Variants in SLC6A11 observed in about 807,000 individuals in gnomAD.
The protein encoded by SLC6A11 is sodium- and chloride-dependent GABA transporter 3.
In SLC6A11, 25 loss-of-function variants were observed where a neutral mutation model predicts 74.8. That is an observed-to-expected ratio of 0.33 (90% CI 0.24 to 0.47). The LOEUF (loss-of-function observed/expected upper bound fraction) is 0.47, where lower values mean the gene tolerates loss of function less well. Ranked by LOEUF, SLC6A11 falls within the 20% of genes least tolerant of loss-of-function variation. The pLI is 1.00. For synonymous variants in SLC6A11, 330 were observed against 330.2 expected (o/e 1.00, Z 0.01); for missense variants, 574 against 837.0 (o/e 0.69, Z 3.88).
At chr3:10,897,466 A>G (rs1363930051) in intron 6 of SLC6A11, among the ~76,000 whole-genome samples, 4 of 152,218 alleles carry the variant, frequency 2.6e-5, no homozygotes, top group Non-Finnish European at 5.9e-5. Flanking sequence ...ACCCTTCCAA[A>G]TGAAAGGAAT....
intron 12 of SLC6A11, 64 bp from the exon 13 acceptor site, chr3:10,934,965 A>G: frequency 7.0e-7 from 1 of 1,426,532 alleles, no homozygotes; most frequent in Non-Finnish European, 9.7e-7. Flanking sequence ...TGGGCCTCAG[A>G]CCCCTCATGG....
At chr3:10,858,301 T>G (rs1694662152) in intron 5 of SLC6A11, among the ~76,000 whole-genome samples, 1 of 152,212 alleles carries the variant, frequency 6.6e-6, no homozygotes, top group African/African-American at 2.4e-5. Context: ...AAAAAAATCT[T>G]CGAGGATATA....
rs750180275 is a variant in SLC6A11 at position 10,816,355 on chromosome 3, C to T, written c.90C>T (p.Ser30=). 17 of 1,456,072 alleles carry T rather than the reference C, an allele frequency of 1.2e-5. 2 individuals carry two copies. In the South Asian group the frequency reaches 2.0e-4, roughly 17 times the overall value. 90.2% of individuals were successfully genotyped at this position (1,456,072 alleles called of 1,614,324 possible). Residue 30 remains serine, a synonymous_variant, in exon 1 of 14, where the codon AGC becomes AGT. Transcript: ENST00000254488. This position sits in a 1 kb window ranked among gnomAD's most constrained non-coding sequence, Gnocchi z 4.2. The stretch of plus-strand genomic sequence containing the variant: ...AGGCGCCGGGTGGCGGCTGCAGCAG[C>T]GGGGGCGCGGCGCCCGCGCGCCACC... ...ESEAPGGGCS[S]GGAAPARHPR...
intron 7 of SLC6A11, among the ~76,000 whole-genome samples, chr3:10,914,370 G>T (rs1359404297): frequency 6.6e-6 from 1 of 152,160 alleles, no homozygotes; most frequent in Non-Finnish European, 1.5e-5. Flanking sequence ...AGTGTTTACT[G>T]TGTGTCTACT....
chr3:10,908,435 G>A (rs1237465574), intron 6 of SLC6A11, among the ~76,000 whole-genome samples: 1 of 152,124 alleles, frequency 6.6e-6, no homozygotes, highest in African/African-American at 2.4e-5. Flanking sequence ...GTGAACATCA[G>A]AATAAAAATG....
rs1575662423 is a variant in SLC6A11, at chr3:10,816,562, C to T, written c.256+41C>T. The T allele has an allele frequency of 6.6e-7, 1 of 1,520,390 alleles. No homozygotes were observed. The highest frequency in any genetic ancestry group is 1.3e-5 in the South Asian group (1 of 79,388). 94.2% of individuals were successfully genotyped at this position (1,520,390 alleles called of 1,614,324 possible). On this transcript the variant is annotated intron_variant, in intron 1 of 13. Transcript: ENST00000254488. The surrounding 1 kb of genome is among the most constrained non-coding windows in gnomAD (Gnocchi z 4.2). The stretch of plus-strand genomic sequence containing the variant: ...GGAGAAGGGGAGGGGGCGCCAACCG[C>T]CCGGTGGGGGCGGGGAGCCAGGGGC...
At chr3:10,839,199 G>T (rs1694406587) in intron 4 of SLC6A11, among the ~76,000 whole-genome samples, 1 of 152,062 alleles carries the variant, frequency 6.6e-6, no homozygotes, top group Non-Finnish European at 1.5e-5. Flanking sequence ...ACACCAACCT[G>T]AAAACAAAAC....
chr3:10,818,721 G>T (rs1252475710), intron 1 of SLC6A11, among the ~76,000 whole-genome samples: 2 of 152,150 alleles, frequency 1.3e-5, no homozygotes, highest in Non-Finnish European at 2.9e-5. Flanking sequence ...TGAGGGATTT[G>T]GAAAAATCCC....
intron 4 of SLC6A11, among the ~76,000 whole-genome samples, chr3:10,839,147 T>C (rs1397498197): frequency 6.6e-6 from 1 of 152,104 alleles, no homozygotes; most frequent in East Asian, 1.9e-4. Context: ...GTTTCTGAAA[T>C]TTCTCCCTCT....
chr3:10,873,968 CTATGCTACGCTACGCTACGCTACGCTAT>C (rs879601766), intron 5 of SLC6A11, among the ~76,000 whole-genome samples: 4,687 of 141,714 alleles, frequency 0.033, 126 homozygotes, highest in East Asian at 0.11. Context: ...CTACGCTATG[CTATGCTACGCTACGCTACGCTACGCTAT>C]GCTATGCTAT....
chr3:10,895,923 G>A (rs1189815853), intron 6 of SLC6A11, among the ~76,000 whole-genome samples: 1 of 152,186 alleles, frequency 6.6e-6, no homozygotes, highest in African/African-American at 2.4e-5. Context: ...ATGTGCAGGT[G>A]ATGCTCATGT....
intron 12 of SLC6A11, among the ~76,000 whole-genome samples, chr3:10,934,518 A>T (rs1695733366): frequency 6.6e-6 from 1 of 152,248 alleles, no homozygotes; most frequent in African/African-American, 2.4e-5. Context: ...TGAAGGCAGC[A>T]GAGCCAAGGG....
At chr3:10,933,094 C>G in intron 10 of SLC6A11, 57 bp from the exon 11 acceptor site, 1 of 1,259,136 alleles carries the variant, frequency 7.9e-7, no homozygotes, top group Non-Finnish European at 1.2e-6. Flanking sequence ...ATGGCTGACC[C>G]TGCTCTCCCG....
intron 6 of SLC6A11, among the ~76,000 whole-genome samples, chr3:10,879,766 T>TATAC (rs1332010773): frequency 1.3e-5 from 2 of 152,170 alleles, no homozygotes; most frequent in African/African-American, 4.8e-5. Flanking sequence ...CATACACATA[T>TATAC]ATACATACAT....
intron 5 of SLC6A11, among the ~76,000 whole-genome samples, chr3:10,845,101 T>C (rs1694486980): frequency 6.6e-6 from 1 of 152,212 alleles, no homozygotes; most frequent in South Asian, 2.1e-4. Flanking sequence ...CTCACTTCTG[T>C]GTTTACTTTC....
intron 6 of SLC6A11, among the ~76,000 whole-genome samples, chr3:10,891,906 A>G (rs925756516): frequency 1.3e-5 from 2 of 152,194 alleles, no homozygotes; most frequent in East Asian, 1.9e-4. Context: ...TCCACCTCAA[A>G]TGGCTGTGGA....
At chr3:10,919,618 T>C (rs1695509607) in intron 8 of SLC6A11, among the ~76,000 whole-genome samples, 1 of 152,226 alleles carries the variant, frequency 6.6e-6, no homozygotes, top group Non-Finnish European at 1.5e-5. Flanking sequence ...TCCATGACTG[T>C]TCAGAGTCCA....
intron 7 of SLC6A11, among the ~76,000 whole-genome samples, chr3:10,913,400 G>T (rs1695412674): frequency 6.6e-6 from 1 of 152,178 alleles, no homozygotes; most frequent in South Asian, 2.1e-4. Context: ...GGAAGTCAGA[G>T]GTGGGGAGGT....
chr3:10,849,816 A>C (rs1034466434), intron 5 of SLC6A11, among the ~76,000 whole-genome samples: 6 of 150,454 alleles, frequency 4.0e-5, no homozygotes, highest in Non-Finnish European at 7.4e-5. Flanking sequence ...AAAAAAAAAA[A>C]AAAAAACGAA....
Sources: allele counts gnomAD v4.1 joint callset (sites outside exome capture counted in the v4.1 genomes callset), GRCh38; gene constraint gnomAD v4.1.1; non-coding constraint Gnocchi (gnomAD v3.1); transcripts MANE v1.5; gene names NCBI Gene and HGNC (gene_info 2026-07-23, HGNC 2026-07-21).